Variants in SHB observed in about 807,000 individuals in gnomAD.
The protein encoded by SHB is SH2 domain-containing adapter protein B.
SHB carries 20 observed loss-of-function variants against 52.3 expected under a neutral mutation model. The ratio of observed to expected loss-of-function variants is 0.38; its 90% CI spans 0.27 to 0.56. SHB has a LOEUF of 0.56. Ranked by LOEUF, SHB falls within the 20% of genes least tolerant of loss-of-function variation. The pLI is 0.71. For synonymous variants in SHB, 397 were observed against 316.5 expected (o/e 1.25, Z -2.70); for missense variants, 825 against 723.3 (o/e 1.14, Z -1.61).
At chr9:37,997,124 A>G (rs1434453586) in intron 2 of SHB, among the ~76,000 whole-genome samples, 1 of 152,198 alleles carries the variant, frequency 6.6e-6, no homozygotes, top group Admixed American at 6.5e-5. Flanking sequence ...GGGCTCAGAA[A>G]GCCCTTTATG....
chr9:37,998,790 A>G (rs1351751395), intron 2 of SHB, among the ~76,000 whole-genome samples: 2 of 152,246 alleles, frequency 1.3e-5, no homozygotes, highest in Non-Finnish European at 1.5e-5. Flanking sequence ...TTCAGGGACA[A>G]ACAGGAAATC....
chr9:38,007,852 A>G (rs1376566098), intron 2 of SHB, among the ~76,000 whole-genome samples: 1 of 152,158 alleles, frequency 6.6e-6, no homozygotes, highest in African/African-American at 2.4e-5. Context: ...GGAGGGGTGG[A>G]AATGTAAGAT....
At chr9:37,956,888 C>A (rs1199442369) in intron 3 of SHB, among the ~76,000 whole-genome samples, 2 of 152,334 alleles carry the variant, frequency 1.3e-5, no homozygotes, top group African/African-American at 4.8e-5. Flanking sequence ...ACCTAGAAAT[C>A]TTAGCACTGT....
In SHB at chr9:37,955,990, C is replaced by T. The variant is rs778025437; in HGVS notation, c.1119G>A (p.Gln373=). ...SPSPSRDRRR[Q]LRAPGGGFKP... ...TAAAGCCCCCTCCAGGGGCACGAAG[C>T]TGGCGCCGCCGGTCCCGCGAAGGTG... Residue 373 remains glutamine, a synonymous_variant, in exon 4 of 6, where the codon CAG becomes CAA. Coordinates refer to ENST00000377707, the MANE Select transcript of SHB (RefSeq NM_003028.3). The T allele has an allele frequency of 6.3e-7, 1 of 1,597,652 alleles. No homozygotes were observed. The highest frequency in any genetic ancestry group is 8.5e-7 in the Non-Finnish European group (1 of 1,172,956).
intron 5 of SHB, among the ~76,000 whole-genome samples, chr9:37,938,206 C>T (rs772235325): frequency 9.2e-5 from 14 of 152,184 alleles, no homozygotes; most frequent in Non-Finnish European, 1.9e-4. Flanking sequence ...AAATCTGGGC[C>T]TCAGGGCTCA....
chr9:38,052,463 G>A (rs990008631), intron 1 of SHB, among the ~76,000 whole-genome samples: 19 of 152,254 alleles, frequency 1.2e-4, no homozygotes, highest in African/African-American at 4.3e-4. Context: ...AGGACGTTTC[G>A]GCTATTGACA....
At chr9:37,997,256 C>T (rs1019314630) in intron 2 of SHB, among the ~76,000 whole-genome samples, 2 of 152,236 alleles carry the variant, frequency 1.3e-5, no homozygotes, top group Admixed American at 1.3e-4. Context: ...CTCTACATGA[C>T]ACCCACCTCT....
chr9:38,023,910 GC>G (rs1162627079), intron 1 of SHB, among the ~76,000 whole-genome samples: 2 of 152,202 alleles, frequency 1.3e-5, no homozygotes, highest in Non-Finnish European at 2.9e-5. Context: ...CCTGTCCTCA[GC>G]TTTGACTATC....
At chr9:37,980,258 T>TCTG (rs1177074870) in intron 2 of SHB, among the ~76,000 whole-genome samples, 1 of 152,262 alleles carries the variant, frequency 6.6e-6, no homozygotes, top group Non-Finnish European at 1.5e-5. Context: ...CTTTTCAAAC[T>TCTG]CTGCTGCTGC....
At chr9:38,019,747 C>G (rs1262105561) in intron 1 of SHB, among the ~76,000 whole-genome samples, 1 of 132,360 alleles carries the variant, frequency 7.6e-6, no homozygotes, top group East Asian at 2.0e-4. Context: ...AGTATTTATT[C>G]CCAAATGTGC....
chr9:37,920,103 T>C (rs1832158998), intron 5 of SHB, 99 bp from the exon 6 acceptor site: 2 of 942,184 alleles, frequency 2.1e-6, no homozygotes, highest in Non-Finnish European at 3.3e-6. Context: ...ATCCCAGCCA[T>C]GAAGTGGCTG....
intron 3 of SHB, among the ~76,000 whole-genome samples, chr9:37,970,372 C>A (rs914943171): frequency 6.6e-6 from 1 of 152,240 alleles, no homozygotes; most frequent in Non-Finnish European, 1.5e-5. Flanking sequence ...ACTCTAAGAG[C>A]TGTTTTTGTG....
chr9:37,998,942 C>T (rs1820981417), intron 2 of SHB, among the ~76,000 whole-genome samples: 1 of 152,228 alleles, frequency 6.6e-6, no homozygotes, highest in Non-Finnish European at 1.5e-5. Context: ...GGGGAACCCA[C>T]TGTGAGTCAC....
chr9:37,973,849 G>A (rs1021221174), intron 3 of SHB, among the ~76,000 whole-genome samples: 5 of 152,200 alleles, frequency 3.3e-5, no homozygotes, highest in African/African-American at 4.8e-5. Context: ...TGTGAGCCCT[G>A]CAGGGCTAGC....
At chr9:38,001,851 T>C (rs1241734743) in intron 2 of SHB, among the ~76,000 whole-genome samples, 1 of 152,188 alleles carries the variant, frequency 6.6e-6, no homozygotes, top group Non-Finnish European at 1.5e-5. Context: ...CCTCTGTAGA[T>C]AACAGCCCAA....
At chr9:38,012,230 C>T (rs1478856465) in intron 2 of SHB, among the ~76,000 whole-genome samples, 3 of 152,174 alleles carry the variant, frequency 2.0e-5, no homozygotes, top group Non-Finnish European at 4.4e-5. Flanking sequence ...GCTGGGGAAT[C>T]TGAAAACCAA....
At chr9:38,024,525 C>T (rs1821318208) in intron 1 of SHB, among the ~76,000 whole-genome samples, 1 of 152,188 alleles carries the variant, frequency 6.6e-6, no homozygotes, top group Admixed American at 6.5e-5. Flanking sequence ...CCTGCTTGCT[C>T]AGCCTCTCTC....
At chr9:37,988,148 T>C (rs1820834959) in intron 2 of SHB, among the ~76,000 whole-genome samples, 1 of 152,160 alleles carries the variant, frequency 6.6e-6, no homozygotes, top group African/African-American at 2.4e-5. Context: ...TGCCCACCCT[T>C]CTTCACTTTG....
intron 5 of SHB, among the ~76,000 whole-genome samples, chr9:37,936,040 T>TA (rs1223430103): frequency 0.053 from 6,530 of 122,600 alleles, 171 homozygotes; most frequent in African/African-American, 0.082. Context: ...CCGTCTCTAC[T>TA]AAAAAAAAAA....
Sources: gnomAD v4.1 joint callset for allele counts (sites outside exome capture counted in the v4.1 genomes callset) on GRCh38, gnomAD v4.1.1 for gene constraint, MANE v1.5 for transcripts, NCBI Gene and HGNC (gene_info 2026-07-23, HGNC 2026-07-21) for gene names.